USPL1: variants seen among roughly 807,000 people sequenced by gnomAD.
USPL1 encodes SUMO-specific isopeptidase USPL1.
A neutral mutation model predicts 51.5 loss-of-function variants in USPL1; 27 were observed. That is an observed-to-expected ratio of 0.52 (90% CI 0.39 to 0.72). The LOEUF (loss-of-function observed/expected upper bound fraction) is 0.72. Ranked by LOEUF, USPL1 falls within the 30% of genes least tolerant of loss-of-function variation. USPL1 has a pLI of 0.00. For missense variants in USPL1, 1,226 were observed against 1,268.0 expected, an observed-to-expected ratio of 0.97 and a Z score of 0.50; for synonymous variants, 451 against 459.6, an observed-to-expected ratio of 0.98 and a Z score of 0.24.
intron 8 of USPL1, among the ~76,000 whole-genome samples, chr13:30,656,873 C>CTT (rs565210591): frequency 9.1e-5 from 13 of 142,132 alleles, no homozygotes; most frequent in African/African-American, 3.1e-4. Flanking sequence ...TAATGGGTGT[C>CTT]TTTTTTTTTT....
intron 6 of USPL1, among the ~76,000 whole-genome samples, chr13:30,644,956 T>C (rs146331432): frequency 5.0e-4 from 76 of 152,322 alleles, no homozygotes; most frequent in Non-Finnish European, 9.8e-4. Flanking sequence ...ATCATTGCTT[T>C]ATATAAATTC....
Position 30,659,449 on chromosome 13 carries a change from A to T in USPL1, c.*93A>T. On this transcript the variant is annotated 3_prime_UTR_variant, in exon 9 of 9. Transcript: ENST00000255304. ...TAGTGTTTATACACTGGACTTGTGT[A>T]ATTACTTGTGTAATAACCATGAACA... 2 of 1,135,338 alleles carry T rather than the reference A, an allele frequency of 1.8e-6. No individual in the cohort carries two copies. The highest frequency in any genetic ancestry group is 2.4e-6 in the Non-Finnish European group (2 of 831,242). The allele number at this position is 1,135,338 out of a possible 1,614,324, so 70.3% of individuals were successfully genotyped here. A position where few individuals can be genotyped will look rare whatever the true frequency, so the allele number is the denominator to read the frequency against.
chr13:30,628,852 G>A (rs1950759611), intron 3 of USPL1, among the ~76,000 whole-genome samples: 2 of 152,094 alleles, frequency 1.3e-5, no homozygotes, highest in African/African-American at 4.8e-5. Flanking sequence ...AGTGAATGTG[G>A]GTGTGCAGGT....
rs750182175 is a variant in USPL1, at chr13:30,631,440, A to G, written c.834A>G (p.Thr278=). 2.5e-6 allele frequency: 4 copies of G among 1,613,896 alleles called. No homozygotes were observed. The African/African-American group carries it at 5.3e-5, about 22-fold the overall frequency. ...RLLTKYNQAN[T]LLYTSQLSGV... is the part of the protein sequence containing the mutation. The stretch of plus-strand genomic sequence containing the variant: ...TTACAAAATATAATCAAGCAAATAC[A>G]CTTCTATATACCAGTCAATTGAGTG... The change falls in exon 4 of 9, where the codon ACA becomes ACG. Residue 278 remains threonine, a synonymous_variant. Transcript: ENST00000255304.
At position 30,621,809 on chromosome 13, in the gene USPL1, T is replaced by G. The variant is rs1288625488; in HGVS notation, c.145T>G (p.Cys49Gly). Residue 49 changes from cysteine to glycine, a missense_variant, in exon 3 of 9, where the codon TGT (cysteine) becomes GGT (glycine). Transcript: ENST00000255304. ...TCCATCAGATGAGTATTGCCCTGCT[T>G]GTAGAGAGAAGGGAAAGTTAAAAGC... Reference protein sequence around the residue: ...KVPSDEYCPACREKGKLKALK... With the variant: ...KVPSDEYCPAGREKGKLKALK... 6.3e-7 allele frequency: 1 copy of G among 1,586,498 alleles called. No homozygotes were observed. Among genetic ancestry groups the G allele is most frequent in the Non-Finnish European group, 8.6e-7 (1 of 1,168,920 alleles).
intron 6 of USPL1, among the ~76,000 whole-genome samples, chr13:30,644,332 A>G (rs1950989388): frequency 6.6e-6 from 1 of 152,120 alleles, no homozygotes; most frequent in Non-Finnish European, 1.5e-5. Context: ...TAAATATGAA[A>G]TCCTTTTTAG....
rs116787862 is a variant in USPL1, at chr13:30,641,236, C to T, written c.983-1392C>T. Among the ~76,000 whole-genome samples, 693 of 152,326 alleles carry T rather than the reference C, an allele frequency of 4.5e-3. 5 individuals are homozygous for T. Among genetic ancestry groups the T allele is most frequent in the African/African-American group, 0.014 (595 of 41,580 alleles). On this transcript the variant is annotated intron_variant, in intron 5 of 8. Transcript: ENST00000255304. The stretch of plus-strand genomic sequence containing the variant: ...AAATCAGTAATTTTTAGAAACCCCA[C>T]ATGATTGTTATTGCTTAGGTAATAA...
chr13:30,620,949 A>G (rs1316829902), intron 1 of USPL1, 124 bp from the exon 2 acceptor site: 2 of 450,086 alleles, frequency 4.4e-6, no homozygotes, highest in Non-Finnish European at 7.7e-6. Context: ...ATTTTAGAAT[A>G]TGTTTATTCT....
At chr13:30,628,083 CG>C (rs1950749420) in intron 3 of USPL1, among the ~76,000 whole-genome samples, 1 of 137,050 alleles carries the variant, frequency 7.3e-6, no homozygotes. Flanking sequence ...TTAGTAGAGA[CG>C]GGGGTTTCAC....
chr13:30,639,567 T>C (rs1950919987), intron 5 of USPL1, among the ~76,000 whole-genome samples: 1 of 152,108 alleles, frequency 6.6e-6, no homozygotes, highest in African/African-American at 2.4e-5. Context: ...GAATGAATAT[T>C]CTTTTTTCTT....
At position 30,658,932 on chromosome 13, in the gene USPL1, C is replaced by G. The variant is rs143844456; in HGVS notation, c.2855C>G (p.Ser952Cys). Residue 952 changes from serine (S) to cysteine (C), a missense_variant, in exon 9 of 9, where the codon TCT becomes TGT. Ser to Cys is a moderately radical substitution (Grantham distance 112). Coordinates refer to ENST00000255304, the MANE Select transcript of USPL1 (RefSeq NM_005800.5). ...LPYPIDIASESACTTVPGVSL... is the reference protein window; with the variant it reads ...LPYPIDIASECACTTVPGVSL... ...TATCCAATTGATATTGCCAGTGAGT[C>G]TGCATGCACCACTGTTCCTGGTGTT... The G allele has an allele frequency of 1.3e-5, 21 of 1,614,066 alleles. No individual in the cohort carries two copies. In the East Asian group the frequency reaches 2.4e-4, roughly 19 times the overall value.
At chr13:30,620,817 T>G (rs1177372464) in intron 1 of USPL1, among the ~76,000 whole-genome samples, 3 of 152,198 alleles carry the variant, frequency 2.0e-5, no homozygotes, top group African/African-American at 7.2e-5. Flanking sequence ...TACTACAAGT[T>G]TTATTTAATT....
intron 6 of USPL1, among the ~76,000 whole-genome samples, chr13:30,645,648 C>T (rs536240945): frequency 6.6e-6 from 1 of 152,306 alleles, no homozygotes; most frequent in South Asian, 2.1e-4. Context: ...GGAGAACTGT[C>T]CAGCAAATTC....
chr13:30,650,713 G>A (rs991162189), intron 7 of USPL1, among the ~76,000 whole-genome samples: 4 of 152,032 alleles, frequency 2.6e-5, no homozygotes, highest in South Asian at 2.1e-4. Context: ...ACAAAGTTTC[G>A]GCCGGGCATA....
At chr13:30,640,439 C>T (rs1950931707) in intron 5 of USPL1, among the ~76,000 whole-genome samples, 1 of 152,126 alleles carries the variant, frequency 6.6e-6, no homozygotes, top group Admixed American at 6.5e-5. Context: ...CCTGTAATCC[C>T]AGCACTTTGG....
chr13:30,621,278 T>A (rs1430486003), intron 2 of USPL1, 39 bp downstream of exon 2: 1 of 1,466,348 alleles, frequency 6.8e-7, no homozygotes, highest in Non-Finnish European at 9.2e-7. Flanking sequence ...CAAAGTTTTT[T>A]TTTTTTCTCT....
Position 30,635,655 on chromosome 13 carries a change from A to T in USPL1, c.869-2089A>T, listed in dbSNP as rs113896592. 5.5e-3 allele frequency among the ~76,000 whole-genome samples: 839 copies of T among 152,276 alleles called. 5 individuals carry two copies. The highest frequency in any genetic ancestry group is 0.018 in the African/African-American group (733 of 41,562). Reference sequence around the variant, plus strand: ...TGGGGACAGATGTGACATCATACCAAGCTTTCTTTGCTTGACATTGTAGAT... The same window carrying T: ...TGGGGACAGATGTGACATCATACCATGCTTTCTTTGCTTGACATTGTAGAT... On this transcript the variant is annotated intron_variant, in intron 4 of 8. Transcript: ENST00000255304.
chr13:30,638,135 T>C (rs201729959), intron 5 of USPL1, among the ~76,000 whole-genome samples: 4 of 152,358 alleles, frequency 2.6e-5, no homozygotes, highest in East Asian at 1.9e-4. Context: ...GCTTCTCTAG[T>C]ACGTTTCCTA....
intron 5 of USPL1, among the ~76,000 whole-genome samples, 173 bp downstream of exon 5, chr13:30,638,030 G>C (rs1327701030): frequency 6.6e-6 from 1 of 152,186 alleles, no homozygotes; most frequent in East Asian, 1.9e-4. Flanking sequence ...GTAGGGCAGA[G>C]CTGTTCCATA....
Sources: gnomAD v4.1 joint callset for allele counts (sites outside exome capture counted in the v4.1 genomes callset) on GRCh38, gnomAD v4.1.1 for gene constraint, MANE v1.5 for transcripts, NCBI Gene and HGNC (gene_info 2026-07-23, HGNC 2026-07-21) for gene names.